The following GGNBP2 variants were observed in gnomAD, a reference collection of about 807,000 sequenced individuals.
GGNBP2 encodes gametogenetin binding protein 2.
GGNBP2 carries 10 observed loss-of-function variants against 85.9 expected under a neutral mutation model. The observed-to-expected ratio is 0.12, with a 90% CI of 0.07 to 0.20. The LOEUF is 0.20. Among genes scored for constraint, GGNBP2 ranks in the 10% least tolerant of loss-of-function variants. The pLI, the probability that GGNBP2 is intolerant of heterozygous loss-of-function variation, is 1.00. For synonymous variants in GGNBP2, 287 were observed against 285.7 expected (o/e 1.00, Z -0.05); for missense variants, 595 against 857.8 (o/e 0.69, Z 3.83).
intron 2 of GGNBP2, chr17:36,546,442 C>CTT (rs991344508): frequency 1.4e-5 from 2 of 145,536 alleles, no homozygotes; most frequent in Non-Finnish European, 3.0e-5. Context: ...TACAGGTGGA[C>CTT]TTTTTTTTTT....
chr17:36,565,364 T>G (rs185966790), intron 5 of GGNBP2, among the ~76,000 whole-genome samples: 89 of 152,306 alleles, frequency 5.8e-4, no homozygotes, highest in African/African-American at 2.0e-3. Context: ...TTTGGAAAGT[T>G]TGATCTTAAA....
intron 9 of GGNBP2, among the ~76,000 whole-genome samples, chr17:36,583,939 G>T (rs2142783940): frequency 6.6e-6 from 1 of 152,256 alleles, no homozygotes; most frequent in Non-Finnish European, 1.5e-5. Flanking sequence ...ACTTTGAATA[G>T]ATCTTTTACT....
intron 6 of GGNBP2, among the ~76,000 whole-genome samples, chr17:36,571,538 A>G (rs1045455787): frequency 6.8e-6 from 1 of 147,794 alleles, no homozygotes; most frequent in Non-Finnish European, 1.5e-5. Context: ...CAACAGCAAG[A>G]CTCCATCTCA....
At chr17:36,556,751 CTTTTTTTTTTTTTTTTTTT>C (rs10544073) in intron 3 of GGNBP2, among the ~76,000 whole-genome samples, 2 of 52,818 alleles carry the variant, frequency 3.8e-5, no homozygotes, top group East Asian at 8.6e-4. Context: ...CTGTATTGTG[CTTTTTTTTTTTTTTTTTTT>C]TTTTTTTTTT....
chr17:36,575,648 ATT>A (rs71274856), intron 6 of GGNBP2, among the ~76,000 whole-genome samples: 96 of 54,878 alleles, frequency 1.7e-3, no homozygotes, highest in Admixed American at 2.6e-3. Flanking sequence ...ATATATATAT[ATT>A]TTTTTTTTTT....
chr17:36,555,838 CAAGG>C (rs1176510126), intron 3 of GGNBP2, among the ~76,000 whole-genome samples: 1 of 152,164 alleles, frequency 6.6e-6, no homozygotes, highest in Non-Finnish European at 1.5e-5. Flanking sequence ...GGAATAATGA[CAAGG>C]AAGAAAAGTC....
chr17:36,567,382 T>C (rs759918503), intron 5 of GGNBP2, among the ~76,000 whole-genome samples: 2 of 152,230 alleles, frequency 1.3e-5, no homozygotes, highest in Non-Finnish European at 2.9e-5. Flanking sequence ...GATTTTAATT[T>C]AGACTATAGA....
intron 2 of GGNBP2, chr17:36,546,261 T>A (rs1599489484): frequency 3.5e-6 from 1 of 287,980 alleles, no homozygotes; most frequent in African/African-American, 2.2e-5. Flanking sequence ...TCTCACCACA[T>A]AAGCTTAATT....
At chr17:36,564,136 T>A (rs978181475) in intron 5 of GGNBP2, among the ~76,000 whole-genome samples, 3 of 152,208 alleles carry the variant, frequency 2.0e-5, no homozygotes, top group Non-Finnish European at 4.4e-5. Flanking sequence ...TTCAGAGAAT[T>A]TCTGACTCTA....
At chr17:36,572,550 G>A (rs758285028) in intron 6 of GGNBP2, among the ~76,000 whole-genome samples, 12 of 152,068 alleles carry the variant, frequency 7.9e-5, no homozygotes, top group African/African-American at 1.4e-4. Context: ...TTAGCCATGC[G>A]TGGTGGCACA....
At position 36,565,436 on chromosome 17, in the gene GGNBP2, A is replaced by AT. The variant is rs567450384; in HGVS notation, c.528-2219dup. Among the ~76,000 whole-genome samples, 326 of 151,980 alleles carry AT rather than the reference A, an allele frequency of 2.1e-3. 2 individuals carry two copies. The highest frequency in any genetic ancestry group is 1.5e-3 in the Non-Finnish European group (101 of 67,950). Reference sequence around the variant, plus strand: ...AATAAAATCCTGATTTGAGATACAGATTTTTTTTATAGAGCTTTTTTTTAA... The same window carrying AT: ...AATAAAATCCTGATTTGAGATACAGATTTTTTTTTATAGAGCTTTTTTTTAA... On this transcript the variant is annotated intron_variant, in intron 5 of 13. Transcript: ENST00000613102.
At chr17:36,578,316 A>T (rs2074611979) in intron 7 of GGNBP2, 130 bp downstream of exon 7, 2 of 685,696 alleles carry the variant, frequency 2.9e-6, no homozygotes, top group Non-Finnish European at 4.7e-6. Flanking sequence ...GCCTGTAAAG[A>T]TTTTGCTTCT....
intron 6 of GGNBP2, chr17:36,576,599 G>C (rs1167056956): frequency 1.2e-5 from 1 of 80,224 alleles, no homozygotes; most frequent in Non-Finnish European, 2.2e-5. Flanking sequence ...ATATATATGT[G>C]TGTGTGTGTG....
At chr17:36,559,218 A>C in intron 4 of GGNBP2, among the ~76,000 whole-genome samples, 1 of 146,650 alleles carries the variant, frequency 6.8e-6, no homozygotes, top group Admixed American at 7.1e-5. Context: ...AATCGCTTGA[A>C]CCCGGGAGGC....
intron 6 of GGNBP2, among the ~76,000 whole-genome samples, chr17:36,569,895 T>A (rs1255994171): frequency 1.3e-5 from 2 of 152,220 alleles, no homozygotes; most frequent in Non-Finnish European, 2.9e-5. Flanking sequence ...AGGGTTAGTG[T>A]TTTAACATTT....
In GGNBP2 at chr17:36,545,662, A is replaced by AGCG. The variant is rs1001495926; in HGVS notation, c.-48_-46dup. 256 of 1,301,028 alleles carry AGCG rather than the reference A, an allele frequency of 2.0e-4. No individual in the cohort carries two copies. The highest frequency in any genetic ancestry group is 3.8e-4 in the Middle Eastern group (2 of 5,254). 80.6% of individuals were successfully genotyped at this position (1,301,028 alleles called of 1,614,324 possible). ...CGGCAGCGGCGGCGGCAGAAACAGC[A>AGCG]GCGGCGGCGGCGGCGGCAGCTGGGA... On this transcript the variant is annotated 5_prime_UTR_variant, in exon 2 of 14. Coordinates refer to ENST00000613102, the MANE Select transcript of GGNBP2 (RefSeq NM_024835.5).
At chr17:36,577,919 G>A (rs933417740) in intron 6 of GGNBP2, 64 bp from the exon 7 acceptor site, 2 of 1,300,364 alleles carry the variant, frequency 1.5e-6, no homozygotes, top group African/African-American at 2.9e-5. Context: ...CTAGTACACT[G>A]TTATATGCCA....
At chr17:36,553,640 T>G (rs1341837687) in intron 2 of GGNBP2, among the ~76,000 whole-genome samples, 2 of 152,244 alleles carry the variant, frequency 1.3e-5, no homozygotes, top group Non-Finnish European at 2.9e-5. Flanking sequence ...TTTGTGGTCC[T>G]TGTTATGTGG....
At chr17:36,586,917 C>CTTT in intron 12 of GGNBP2, 80 bp from the exon 13 acceptor site, 140 of 1,069,040 alleles carry the variant, frequency 1.3e-4, no homozygotes, top group Middle Eastern at 3.1e-4. Context: ...CCGTGCCCCG[C>CTTT]TTTTTTTTTT....
Sources: gnomAD v4.1 joint callset for allele counts (sites outside exome capture counted in the v4.1 genomes callset) on GRCh38, gnomAD v4.1.1 for gene constraint, MANE v1.5 for transcripts, NCBI Gene and HGNC (gene_info 2026-07-23, HGNC 2026-07-21) for gene names.